Variants in KL observed in about 807,000 individuals in gnomAD.
The protein encoded by KL is alpha-klotho.
A neutral mutation model predicts 84.2 loss-of-function variants in KL; 62 were observed. That is an observed-to-expected ratio of 0.74 (90% CI 0.60 to 0.91). The LOEUF (loss-of-function observed/expected upper bound fraction) is 0.91. Among genes scored for constraint, KL ranks in the 40% least tolerant of loss-of-function variants. The probability of loss-of-function intolerance (pLI) is 0.00; values close to 1 mark genes in which losing one functional copy is unlikely to be tolerated. For synonymous variants in KL, 528 were observed against 528.0 expected (o/e 1.00, Z 0.00); for missense variants, 1,261 against 1,305.7 (o/e 0.97, Z 0.53).
chr13:33,047,210 A>C (rs1389902550), intron 1 of KL, among the ~76,000 whole-genome samples: 1 of 152,158 alleles, frequency 6.6e-6, no homozygotes, highest in Non-Finnish European at 1.5e-5. Context: ...TTTTGTTATT[A>C]ATATAACCAT....
rs1872349559 is a variant in KL at position 33,064,872 on chromosome 13, T to C, written c.*686T>C. ...TGTGTCCCTGAGGGATCTGTCTCAC[T>C]GGCATCTTGTTGAGGGCCTTGCACA... On this transcript the variant is annotated 3_prime_UTR_variant, in exon 5 of 5. Transcript: ENST00000380099. 8.7e-6 allele frequency: 2 copies of C among 228,674 alleles called. No homozygotes were observed. The highest frequency in any genetic ancestry group is 1.7e-5 in the Non-Finnish European group (2 of 115,262). The allele number at this position is 228,674 out of a possible 1,614,324, so 14.2% of individuals were successfully genotyped here.
chr13:33,037,041 A>G (rs923674574), intron 1 of KL, among the ~76,000 whole-genome samples: 32 of 152,330 alleles, frequency 2.1e-4, no homozygotes, highest in Admixed American at 1.2e-3. Flanking sequence ...GCAAAATGCT[A>G]TGATACTGAA....
At chr13:33,056,188 A>G (rs1252752410) in intron 3 of KL, among the ~76,000 whole-genome samples, 4 of 152,118 alleles carry the variant, frequency 2.6e-5, no homozygotes, top group African/African-American at 9.7e-5. Flanking sequence ...GGGCTGGGGG[A>G]TTGCTGCTGA....
At chr13:33,024,818 C>A (rs561181622) in intron 1 of KL, among the ~76,000 whole-genome samples, 6 of 152,176 alleles carry the variant, frequency 3.9e-5, no homozygotes, top group Non-Finnish European at 5.9e-5. Flanking sequence ...TGCACAGGTG[C>A]GGGGACAGTG....
intron 1 of KL, among the ~76,000 whole-genome samples, chr13:33,045,698 C>T (rs560328217): frequency 1.3e-5 from 2 of 152,250 alleles, no homozygotes; most frequent in African/African-American, 2.4e-5. Context: ...AGGCTGCTCT[C>T]GAACTCCTGA....
intron 1 of KL, among the ~76,000 whole-genome samples, chr13:33,034,472 T>C (rs778457177): frequency 3.3e-5 from 5 of 151,906 alleles, no homozygotes; most frequent in Non-Finnish European, 5.9e-5. Flanking sequence ...TCTGTAGAGA[T>C]GTAAATGAAA....
intron 1 of KL, among the ~76,000 whole-genome samples, chr13:33,045,102 T>C (rs1451450471): frequency 1.3e-5 from 2 of 152,208 alleles, no homozygotes; most frequent in Non-Finnish European, 1.5e-5. Context: ...TTTTATTCTT[T>C]TGGAACTTAT....
chr13:33,056,495 T>G (rs1276422764), intron 3 of KL, among the ~76,000 whole-genome samples: 2 of 152,208 alleles, frequency 1.3e-5, no homozygotes, highest in Non-Finnish European at 2.9e-5. Flanking sequence ...AGTCTCAGAC[T>G]TAAACCCTCG....
chr13:33,057,882 C>T (rs771433084), intron 3 of KL, among the ~76,000 whole-genome samples: 3 of 152,202 alleles, frequency 2.0e-5, no homozygotes, highest in Non-Finnish European at 2.9e-5. Flanking sequence ...AGCTTTAAGA[C>T]ATTATATTAA....
chr13:33,040,829 T>A (rs1350936178), intron 1 of KL, among the ~76,000 whole-genome samples: 1 of 152,144 alleles, frequency 6.6e-6, no homozygotes, highest in Non-Finnish European at 1.5e-5. Flanking sequence ...TAGAACTTGA[T>A]CCCTTCCCTT....
At chr13:33,018,592 A>G (rs1395595212) in intron 1 of KL, among the ~76,000 whole-genome samples, 1 of 152,208 alleles carries the variant, frequency 6.6e-6, no homozygotes, top group African/African-American at 2.4e-5. Context: ...GATGTTTTAG[A>G]GCGGTGATTC....
intron 1 of KL, among the ~76,000 whole-genome samples, chr13:33,028,444 G>A (rs900985030): frequency 1.4e-4 from 21 of 152,136 alleles, no homozygotes; most frequent in Admixed American, 7.2e-4. Context: ...GAGGGTAACC[G>A]CCACATAACA....
At chr13:33,032,738 G>A (rs1217589065) in intron 1 of KL, among the ~76,000 whole-genome samples, 1 of 152,132 alleles carries the variant, frequency 6.6e-6, no homozygotes, top group Non-Finnish European at 1.5e-5. Flanking sequence ...ATGGGGCATG[G>A]GAGATACCCA....
At chr13:33,047,934 T>C (rs1871597976) in intron 1 of KL, among the ~76,000 whole-genome samples, 1 of 152,114 alleles carries the variant, frequency 6.6e-6, no homozygotes, top group African/African-American at 2.4e-5. Context: ...ATTCAAAAAT[T>C]TGTTTATTTC....
At chr13:33,058,934 G>A (rs1260819485) in intron 3 of KL, among the ~76,000 whole-genome samples, 1 of 152,184 alleles carries the variant, frequency 6.6e-6, no homozygotes, top group East Asian at 1.9e-4. Flanking sequence ...CAGCATTAGG[G>A]GAAGTGCATG....
intron 1 of KL, among the ~76,000 whole-genome samples, chr13:33,035,853 C>T (rs1048719696): frequency 6.6e-6 from 1 of 152,148 alleles, no homozygotes; most frequent in African/African-American, 2.4e-5. Flanking sequence ...TTAATTAGTT[C>T]TGTACAGATA....
intron 1 of KL, among the ~76,000 whole-genome samples, chr13:33,049,704 A>C (rs148234315): frequency 6.6e-6 from 1 of 152,340 alleles, no homozygotes; most frequent in East Asian, 1.9e-4. Context: ...TTTCAGGCAG[A>C]GACCATAGGG....
intron 1 of KL, among the ~76,000 whole-genome samples, chr13:33,048,464 G>C (rs1246145711): frequency 6.6e-6 from 1 of 152,110 alleles, no homozygotes; most frequent in African/African-American, 2.4e-5. Flanking sequence ...CCCAACCTTT[G>C]GTATTCATCT....
chr13:33,033,889 A>T (rs1048419950), intron 1 of KL, among the ~76,000 whole-genome samples: 5 of 151,886 alleles, frequency 3.3e-5, no homozygotes, highest in Non-Finnish European at 5.9e-5. Context: ...TCATTTTTTT[A>T]AAAAAGATAA....
Sources: allele counts gnomAD v4.1 joint callset (sites outside exome capture counted in the v4.1 genomes callset), GRCh38; gene constraint gnomAD v4.1.1; transcripts MANE v1.5; gene names NCBI Gene and HGNC (gene_info 2026-07-23, HGNC 2026-07-21).